PCDHA9: variants seen among roughly 807,000 people sequenced by gnomAD.
PCDHA9 encodes protocadherin alpha-9.
In PCDHA9, 62 loss-of-function variants were observed where a neutral mutation model predicts 62.0. The ratio of observed to expected loss-of-function variants is 1.00; its 90% confidence interval spans 0.81 to 1.23. The LOEUF (loss-of-function observed/expected upper bound fraction) is 1.23. Among genes scored for constraint, PCDHA9 ranks in the 50% most tolerant of loss-of-function variants. The probability of loss-of-function intolerance (pLI) is 0.00; values close to 1 mark genes in which losing one functional copy is unlikely to be tolerated. For missense variants in PCDHA9, 1,205 were observed against 1,249.8 expected (o/e 0.96, Z 0.54); for synonymous variants, 557 against 567.6 (o/e 0.98, Z 0.27).
rs139860906 is a variant in PCDHA9, at chr5:140,989,355, C to T, written c.2542+6792C>T. On this transcript the variant is annotated intron_variant, in intron 3 of 3. Transcript: ENST00000532602. Reference sequence around the variant, plus strand: ...CTGACTCAGCTCAAAGGTGATAGGTCACCTGTGTGACTGAGAGCTTTGTGG... The same window carrying T: ...CTGACTCAGCTCAAAGGTGATAGGTTACCTGTGTGACTGAGAGCTTTGTGG... Among the ~76,000 whole-genome samples the T allele has an allele frequency of 1.6e-4, 25 of 152,258 alleles. No individual in the cohort carries two copies. In the East Asian group the frequency reaches 4.4e-3, roughly 27 times the overall value.
intron 1 of PCDHA9, chr5:140,877,090 G>C: frequency 2.5e-6 from 4 of 1,613,186 alleles, no homozygotes; most frequent in Non-Finnish European, 3.4e-6. Flanking sequence ...CGCGCGCGAC[G>C]CCGGCGTGCC....
rs2150473492 is a variant in PCDHA9 at position 140,850,211 on chromosome 5, C to T, written c.1716C>T (p.Gly572=). 11 of 1,593,428 alleles carry T rather than the reference C, an allele frequency of 6.9e-6. 1 individual carries two copies. Among genetic ancestry groups the T allele is most frequent in the Non-Finnish European group, 9.4e-6 (11 of 1,167,634 alleles). ...APALLTPRMR[G]TDGAVSEMVL... is the part of the protein sequence containing the mutation. ...CGCTGCTGACACCTCGGATGAGGGG[C>T]ACTGACGGCGCAGTGAGCGAGATGG... Residue 572 remains glycine, a synonymous_variant, in exon 1 of 4, where the codon GGC becomes GGT. Coordinates refer to ENST00000532602, the MANE Select transcript of PCDHA9 (RefSeq NM_031857.2).
chr5:140,980,575 A>C (rs901433332), intron 2 of PCDHA9, among the ~76,000 whole-genome samples: 3 of 152,296 alleles, frequency 2.0e-5, no homozygotes, highest in Admixed American at 1.3e-4. Context: ...AGTTGCAGTG[A>C]GCCAAGATCG....
chr5:140,869,722 G>A, intron 1 of PCDHA9: 2 of 1,613,324 alleles, frequency 1.2e-6, no homozygotes, highest in Non-Finnish European at 1.7e-6. Flanking sequence ...GAAAACTCCG[G>A]AACTTAATTT....
intron 1 of PCDHA9, chr5:140,871,576 G>A (rs1554165757): frequency 4.1e-6 from 6 of 1,475,680 alleles, no homozygotes; most frequent in Non-Finnish European, 5.4e-6. Flanking sequence ...GATTTTTTAA[G>A]GGAAAGTTTT....
chr5:140,861,332 G>A (rs2046864240), intron 1 of PCDHA9: 1 of 247,774 alleles, frequency 4.0e-6, no homozygotes, highest in African/African-American at 2.3e-5. Context: ...CACCATCCTG[G>A]AAGAGGCCAA....
chr5:140,943,800 A>G (rs1470801059), intron 1 of PCDHA9, among the ~76,000 whole-genome samples: 1 of 152,218 alleles, frequency 6.6e-6, no homozygotes, highest in East Asian at 1.9e-4. Flanking sequence ...GCAAAGCAAA[A>G]GAGGAAAGTT....
chr5:140,856,174 C>T, intron 1 of PCDHA9: 1 of 1,598,296 alleles, frequency 6.3e-7, no homozygotes, highest in Non-Finnish European at 8.6e-7. Flanking sequence ...GACACGGCAC[C>T]TTCGTGGGCC....
chr5:140,869,056 GTAC>G, intron 1 of PCDHA9: 2 of 1,549,424 alleles, frequency 1.3e-6, no homozygotes, highest in Non-Finnish European at 1.7e-6. Flanking sequence ...GAAGAATCTG[GTAC>G]TGTAAGTGTA....
chr5:140,859,471 T>TAG, intron 1 of PCDHA9: 1 of 211,266 alleles, frequency 4.7e-6, no homozygotes, highest in Non-Finnish European at 9.2e-6. Context: ...ACACTATCAA[T>TAG]TGTGTTTTCC....
At position 141,009,800 on chromosome 5, in the gene PCDHA9, A is replaced by G. The variant is rs148436868; in HGVS notation, c.2716A>G (p.Ser906Gly). The stretch of plus-strand genomic sequence containing the variant: ...CTCCATCCGGCAGGAGCCTACTAAC[A>G]GCCAAATTGACAAAAGTGACTTCAT... ...IISIRQEPTN[S>G]QIDKSDFITF... The change falls in exon 4 of 4, where the codon AGC (serine) becomes GGC (glycine). Residue 906 changes from serine to glycine, a missense_variant. By Grantham distance (56) the Ser-to-Gly change is moderately conservative (BLOSUM62 0). Coordinates refer to ENST00000532602, the MANE Select transcript of PCDHA9 (RefSeq NM_031857.2). 1.2e-4 allele frequency: 190 copies of G among 1,614,158 alleles called. No individual in the cohort carries two copies. In the African/African-American group the frequency reaches 2.3e-3, roughly 19 times the overall value.
chr5:140,929,166 C>T (rs782695019), intron 1 of PCDHA9: 1 of 1,614,146 alleles, frequency 6.2e-7, no homozygotes, highest in Non-Finnish European at 8.5e-7. Context: ...TCTATCGGGC[C>T]TCTCTGGGAC....
chr5:140,953,641 G>A (rs246029), intron 1 of PCDHA9, among the ~76,000 whole-genome samples: 85,647 of 151,972 alleles, frequency 0.56, 24,761 homozygotes, highest in African/African-American at 0.69. Context: ...TTTTGGCCAG[G>A]AGCTATAGTT....
At chr5:140,980,440 G>A (rs1317929590) in intron 2 of PCDHA9, among the ~76,000 whole-genome samples, 1 of 152,144 alleles carries the variant, frequency 6.6e-6, no homozygotes, top group African/African-American at 2.4e-5. Flanking sequence ...GACCATCCTG[G>A]ACAACACGGT....
chr5:140,900,780 C>T (rs1554189418), intron 1 of PCDHA9, among the ~76,000 whole-genome samples: 1 of 152,192 alleles, frequency 6.6e-6, no homozygotes, highest in Admixed American at 6.5e-5. Flanking sequence ...TTTGAGGAAA[C>T]TCCAAACTGT....
intron 1 of PCDHA9, chr5:140,869,606 T>C: frequency 2.5e-6 from 4 of 1,614,026 alleles, no homozygotes; most frequent in Non-Finnish European, 3.4e-6. Flanking sequence ...AATGCTCTAT[T>C]GACCTACAGG....
chr5:140,911,381 G>A (rs2075444647), intron 1 of PCDHA9, among the ~76,000 whole-genome samples: 1 of 152,116 alleles, frequency 6.6e-6, no homozygotes, highest in African/African-American at 2.4e-5. Context: ...GGCTGTGCAT[G>A]CACCTTTCAT....
intron 1 of PCDHA9, chr5:140,928,022 G>A: frequency 6.2e-7 from 1 of 1,614,200 alleles, no homozygotes; most frequent in Non-Finnish European, 8.5e-7. Flanking sequence ...AGGGTCATTT[G>A]TGGCATGTCT....
At chr5:140,923,826 T>C (rs2081533545) in intron 1 of PCDHA9, among the ~76,000 whole-genome samples, 1 of 152,218 alleles carries the variant, frequency 6.6e-6, no homozygotes, top group African/African-American at 2.4e-5. Context: ...TAGACGTCAG[T>C]GGCAGTTTAA....
Sources: gnomAD v4.1 joint callset for allele counts (sites outside exome capture counted in the v4.1 genomes callset) on GRCh38, gnomAD v4.1.1 for gene constraint, MANE v1.5 for transcripts, NCBI Gene and HGNC (gene_info 2026-07-23, HGNC 2026-07-21) for gene names.